CNTLN: variants seen among roughly 807,000 people sequenced by gnomAD.
CNTLN encodes centlein.
Under a neutral mutation model 180.0 loss-of-function variants are expected in CNTLN, and 212 were observed. The observed-to-expected ratio is 1.18, with a 90% CI of 1.05 to 1.32. The LOEUF (loss-of-function observed/expected upper bound fraction) is 1.32. Ranked by LOEUF, CNTLN falls within the 40% of genes most tolerant of loss-of-function variation. The probability of loss-of-function intolerance (pLI) is 0.00; values close to 1 mark genes in which losing one functional copy is unlikely to be tolerated. For synonymous variants in CNTLN, 722 were observed against 563.1 expected, an observed-to-expected ratio of 1.28 and a Z score of -3.99; for missense variants, 2,095 against 1,610.9, an observed-to-expected ratio of 1.30 and a Z score of -5.14.
intron 15 of CNTLN, among the ~76,000 whole-genome samples, chr9:17,399,899 T>G (rs530327165): frequency 2.0e-5 from 3 of 152,312 alleles, no homozygotes; most frequent in Admixed American, 6.5e-5. Flanking sequence ...TATGCTTAGC[T>G]CATACTCTTT....
chr9:17,426,894 G>A (rs1250586257), intron 18 of CNTLN, among the ~76,000 whole-genome samples: 1 of 152,072 alleles, frequency 6.6e-6, no homozygotes, highest in Admixed American at 6.6e-5. Flanking sequence ...TTTCAGGGTA[G>A]TAAGATTCCT....
At chr9:17,437,284 C>A (rs922401961) in intron 18 of CNTLN, among the ~76,000 whole-genome samples, 2 of 152,102 alleles carry the variant, frequency 1.3e-5, no homozygotes, top group African/African-American at 4.8e-5. Context: ...ACTATTATTA[C>A]CACTTGGAAC....
chr9:17,457,040 G>C (rs1831166694), intron 18 of CNTLN, among the ~76,000 whole-genome samples: 1 of 152,150 alleles, frequency 6.6e-6, no homozygotes, highest in African/African-American at 2.4e-5. Flanking sequence ...TCTCTAACAA[G>C]CCTCGTCTGC....
intron 24 of CNTLN, among the ~76,000 whole-genome samples, chr9:17,485,937 T>A (rs1348565933): frequency 6.6e-6 from 1 of 152,156 alleles, no homozygotes; most frequent in Non-Finnish European, 1.5e-5. Context: ...AGATGGTGCA[T>A]GTCTGTGAAT....
chr9:17,282,149 G>C (rs1563953750), intron 6 of CNTLN, among the ~76,000 whole-genome samples: 1 of 152,110 alleles, frequency 6.6e-6, no homozygotes, highest in African/African-American at 2.4e-5. Context: ...TTTTAGTAGA[G>C]ATAGGGTTTC....
At chr9:17,307,209 T>C (rs190157994) in intron 7 of CNTLN, among the ~76,000 whole-genome samples, 7 of 152,352 alleles carry the variant, frequency 4.6e-5, no homozygotes, top group African/African-American at 1.7e-4. Context: ...AAAGATTGCC[T>C]AGACTTTGGC....
chr9:17,437,036 G>T (rs935448759), intron 18 of CNTLN, among the ~76,000 whole-genome samples: 4 of 152,168 alleles, frequency 2.6e-5, no homozygotes, highest in South Asian at 4.1e-4. Context: ...TTATTGATCT[G>T]TGCGTGACAT....
downstream of CNTLN, among the ~76,000 whole-genome samples, chr9:17,504,095 G>A (rs1029696863): frequency 7.7e-4 from 19 of 24,570 alleles, no homozygotes; most frequent in African/African-American, 1.1e-3. Context: ...CTGCCTTACT[G>A]CAATTAAAAA....
At chr9:17,255,857 T>G (rs1354528957) in intron 5 of CNTLN, among the ~76,000 whole-genome samples, 1 of 151,942 alleles carries the variant, frequency 6.6e-6, no homozygotes, top group African/African-American at 2.4e-5. Flanking sequence ...TCAGATTTTC[T>G]GTTTTTTCAT....
At chr9:17,241,960 G>GA (rs1246779138) in intron 5 of CNTLN, among the ~76,000 whole-genome samples, 8 of 152,052 alleles carry the variant, frequency 5.3e-5, no homozygotes, top group African/African-American at 1.9e-4. Flanking sequence ...GGACTCTTCA[G>GA]GTTTTTCCAA....
intron 2 of CNTLN, among the ~76,000 whole-genome samples, chr9:17,159,576 T>C (rs1339943873): frequency 1.3e-5 from 2 of 152,184 alleles, no homozygotes; most frequent in Non-Finnish European, 2.9e-5. Flanking sequence ...ACTGCTCAAT[T>C]GCACTTGCGT....
chr9:17,366,788 A>C (rs1034164401), intron 13 of CNTLN, 71 bp downstream of exon 13: 17 of 857,778 alleles, frequency 2.0e-5, no homozygotes, highest in Admixed American at 9.9e-5. Context: ...TTTTAGTTTC[A>C]ATTTCTTTTA....
At chr9:17,199,919 A>G (rs1443976499) in intron 2 of CNTLN, among the ~76,000 whole-genome samples, 1 of 152,110 alleles carries the variant, frequency 6.6e-6, no homozygotes, top group Non-Finnish European at 1.5e-5. Context: ...GCCCTTGCCT[A>G]TGTCCTGAAT....
chr9:17,294,676 C>T (rs1817680014), intron 6 of CNTLN, among the ~76,000 whole-genome samples: 1 of 147,942 alleles, frequency 6.8e-6, no homozygotes, highest in Non-Finnish European at 1.5e-5. Context: ...CCGTGCCCTC[C>T]ACCAGCACTC....
chr9:17,213,020 G>A lies in CNTLN; in HGVS notation c.450-13183G>A, dbSNP rs376324335. 2.3e-3 allele frequency among the ~76,000 whole-genome samples: 344 copies of A among 152,158 alleles called. 2 individuals are homozygous for A. The highest frequency in any genetic ancestry group is 8.0e-3 in the African/African-American group (331 of 41,522). On this transcript the variant is annotated intron_variant, in intron 2 of 25. Transcript: ENST00000380647. Reference sequence around the variant, plus strand: ...CAAAAAACCAGCTGCTAGATTCATTGATTTTTCTGAAGTGTTTTTTGTGTC... The same window carrying A: ...CAAAAAACCAGCTGCTAGATTCATTAATTTTTCTGAAGTGTTTTTTGTGTC...
intron 18 of CNTLN, among the ~76,000 whole-genome samples, chr9:17,441,844 G>C (rs1452355475): frequency 6.6e-6 from 1 of 152,142 alleles, no homozygotes; most frequent in Non-Finnish European, 1.5e-5. Flanking sequence ...ATAGTGAAGG[G>C]ATGGAAAACT....
chr9:17,391,001 A>T (rs1390756706), intron 14 of CNTLN, among the ~76,000 whole-genome samples: 1 of 152,202 alleles, frequency 6.6e-6, no homozygotes, highest in Non-Finnish European at 1.5e-5. Flanking sequence ...AATAAAAGGC[A>T]GGTTAACACG....
intron 5 of CNTLN, among the ~76,000 whole-genome samples, chr9:17,265,696 A>T (rs1245009975): frequency 6.6e-6 from 1 of 152,040 alleles, no homozygotes; most frequent in Non-Finnish European, 1.5e-5. Context: ...TAAGCTATTG[A>T]TTATTGCCAC....
At chr9:17,265,368 G>A (rs1182498347) in intron 5 of CNTLN, among the ~76,000 whole-genome samples, 5 of 152,146 alleles carry the variant, frequency 3.3e-5, no homozygotes, top group African/African-American at 1.2e-4. Context: ...TGTTGTAACA[G>A]CCTTGCATTC....
Sources: gnomAD v4.1 joint callset for allele counts (sites outside exome capture counted in the v4.1 genomes callset) on GRCh38, gnomAD v4.1.1 for gene constraint, MANE v1.5 for transcripts, NCBI Gene and HGNC (gene_info 2026-07-23, HGNC 2026-07-21) for gene names.